Variants in DNAAF11 observed in about 807,000 individuals in gnomAD.
DNAAF11 encodes the protein dynein axonemal assembly factor 11.
In DNAAF11, 45 loss-of-function variants were observed where a neutral mutation model predicts 60.8. The observed-to-expected ratio is 0.74, with a 90% CI of 0.58 to 0.95. The LOEUF (loss-of-function observed/expected upper bound fraction) is 0.95, where lower values mean the gene tolerates loss of function less well. DNAAF11 is among the 40% of genes least tolerant of loss of function. The pLI is 0.00. For synonymous variants in DNAAF11, 191 were observed against 183.5 expected (o/e 1.04, Z -0.33); for missense variants, 546 against 546.2 (o/e 1.00, Z 0.00).
chr8:132,592,989 A>G (rs549786310), intron 10 of DNAAF11, among the ~76,000 whole-genome samples: 2 of 152,026 alleles, frequency 1.3e-5, no homozygotes, highest in African/African-American at 4.8e-5. Flanking sequence ...ACAGAAGCCA[A>G]TTCAATGGAT....
intron 3 of DNAAF11, among the ~76,000 whole-genome samples, chr8:132,646,401 A>G (rs888622907): frequency 2.0e-5 from 3 of 152,208 alleles, no homozygotes; most frequent in Non-Finnish European, 4.4e-5. Context: ...TTTAAAGACC[A>G]CCAATGCTAG....
chr8:132,677,433 T>TA (rs111512865), upstream of DNAAF11, among the ~76,000 whole-genome samples: 603 of 150,644 alleles, frequency 4.0e-3, 3 homozygotes, highest in Non-Finnish European at 6.5e-3. Flanking sequence ...TAATAAAAAT[T>TA]AAAAAAAAAT....
At chr8:132,639,358 C>G (rs925961883) in intron 3 of DNAAF11, among the ~76,000 whole-genome samples, 1 of 152,172 alleles carries the variant, frequency 6.6e-6, no homozygotes, top group African/African-American at 2.4e-5. Flanking sequence ...AAGCCTTCCC[C>G]AGCTAATACC....
At chr8:132,620,728 A>T (rs1819671744) in intron 7 of DNAAF11, among the ~76,000 whole-genome samples, 2 of 152,214 alleles carry the variant, frequency 1.3e-5, no homozygotes, top group Admixed American at 6.5e-5. Flanking sequence ...AGAGTGAATT[A>T]TCTTATGGTC....
the DNAAF11 span, among the ~76,000 whole-genome samples, chr8:132,683,389 T>C: frequency 6.6e-6 from 1 of 152,178 alleles, no homozygotes; most frequent in Non-Finnish European, 1.5e-5. Context: ...TTTGGCCCCC[T>C]CTGAGCCCAT....
At chr8:132,628,885 C>G (rs1176714739) in intron 5 of DNAAF11, among the ~76,000 whole-genome samples, 2 of 152,198 alleles carry the variant, frequency 1.3e-5, no homozygotes, top group African/African-American at 4.8e-5. Context: ...AGTAAATTAT[C>G]TCCAAGATAT....
At chr8:132,651,243 T>C (rs1253953675) in intron 3 of DNAAF11, among the ~76,000 whole-genome samples, 2 of 151,524 alleles carry the variant, frequency 1.3e-5, no homozygotes, top group African/African-American at 4.9e-5. Flanking sequence ...AAGCACTTTA[T>C]TCTACCCTGG....
chr8:132,631,879 T>C (rs201338421), intron 5 of DNAAF11, among the ~76,000 whole-genome samples: 4 of 149,774 alleles, frequency 2.7e-5, no homozygotes, highest in Non-Finnish European at 5.9e-5. Context: ...GTTGGGGGAG[T>C]GGGGAGGGAT....
intron 10 of DNAAF11, among the ~76,000 whole-genome samples, chr8:132,603,719 C>T (rs1012438850): frequency 9.2e-5 from 14 of 151,670 alleles, no homozygotes; most frequent in African/African-American, 2.7e-4. Flanking sequence ...TGGACCAGGG[C>T]GGTAAATAGA....
intron 3 of DNAAF11, among the ~76,000 whole-genome samples, chr8:132,654,598 G>A (rs1373338098): frequency 6.6e-6 from 1 of 151,216 alleles, no homozygotes; most frequent in African/African-American, 2.4e-5. Context: ...TCAATGGAGT[G>A]AAACGAGAAA....
chr8:132,629,339 C>CTTTTTTTTTTTTTTTT (rs202230443), intron 5 of DNAAF11, among the ~76,000 whole-genome samples: 1 of 147,442 alleles, frequency 6.8e-6, no homozygotes, highest in African/African-American at 2.5e-5. Context: ...GATACCCATT[C>CTTTTTTTTTTTTTTTT]TCTTTTTTTT....
intron 3 of DNAAF11, among the ~76,000 whole-genome samples, chr8:132,641,559 A>G (rs1821858413): frequency 6.6e-6 from 1 of 152,284 alleles, no homozygotes; most frequent in East Asian, 1.9e-4. Context: ...AGGAGAAAAG[A>G]AAGAATGAGG....
Position 132,625,285 on chromosome 8 carries a change from G to A in DNAAF11, c.823C>T (p.Gln275Ter), listed in dbSNP as rs1820140415. The change falls in exon 6 of 12, where the codon CAG (glutamine) becomes TAG (stop). Residue 275 changes from glutamine to a stop codon, truncating the protein, a stop_gained. Transcript: ENST00000620350. LOFTEE classifies it high-confidence loss of function. ...AGAATGAAATACCTTAATTTTTCCT[G>A]TTTCTTCCGTTGTTTTTCCATGTGT... ...LRHMEKQRKK[Q>*]EKLSEKKKKV... 2 of 1,601,274 alleles carry A rather than the reference G, an allele frequency of 1.2e-6. No homozygotes were observed. The highest frequency in any genetic ancestry group is 1.7e-6 in the Non-Finnish European group (2 of 1,174,826).
chr8:132,668,533 G>C (rs1824865410), intron 1 of DNAAF11, among the ~76,000 whole-genome samples: 1 of 152,082 alleles, frequency 6.6e-6, no homozygotes, highest in South Asian at 2.1e-4. Context: ...CTGCCTCCCG[G>C]GTTCACGCCA....
chr8:132,657,828 TA>T (rs1823735508), intron 2 of DNAAF11, among the ~76,000 whole-genome samples: 1 of 152,346 alleles, frequency 6.6e-6, no homozygotes. Context: ...GTCTCCTTTT[TA>T]CAAATCAGAA....
At chr8:132,596,629 C>T (rs1006364572) in intron 10 of DNAAF11, among the ~76,000 whole-genome samples, 1 of 152,140 alleles carries the variant, frequency 6.6e-6, no homozygotes, top group Non-Finnish European at 1.5e-5. Flanking sequence ...AGGCTAAGTA[C>T]CCAGGACCTG....
chr8:132,636,285 G>T (rs1329902055), intron 4 of DNAAF11, among the ~76,000 whole-genome samples: 1 of 152,102 alleles, frequency 6.6e-6, no homozygotes, highest in East Asian at 1.9e-4. Context: ...TGAAAGGAAA[G>T]ACTTGATCCA....
intron 7 of DNAAF11, among the ~76,000 whole-genome samples, chr8:132,616,660 G>A (rs151286532): frequency 1.0e-3 from 156 of 152,220 alleles, no homozygotes; most frequent in African/African-American, 3.5e-3. Context: ...TCTTTTAGTC[G>A]TCATAAGTGT....
chr8:132,603,857 G>C (rs924795563), intron 10 of DNAAF11, among the ~76,000 whole-genome samples: 1 of 152,100 alleles, frequency 6.6e-6, no homozygotes, highest in African/African-American at 2.4e-5. Context: ...ACTGCCAAAG[G>C]CGGGGGCGGA....
Sources: gnomAD v4.1 joint callset for allele counts (sites outside exome capture counted in the v4.1 genomes callset) on GRCh38, gnomAD v4.1.1 for gene constraint, MANE v1.5 for transcripts, NCBI Gene and HGNC (gene_info 2026-07-23, HGNC 2026-07-21) for gene names.